Variants in RELN observed in about 807,000 individuals in gnomAD.
The protein encoded by RELN is reelin.
A neutral mutation model predicts 427.6 loss-of-function variants in RELN; 108 were observed. The ratio of observed to expected loss-of-function variants is 0.25; its 90% CI spans 0.22 to 0.30. RELN has a LOEUF of 0.30. Among genes scored for constraint, RELN ranks in the 10% least tolerant of loss-of-function variants. RELN has a pLI of 1.00. For missense variants in RELN, 3,715 were observed against 4,302.8 expected (o/e 0.86, Z 3.82); for synonymous variants, 1,524 against 1,513.4 (o/e 1.01, Z -0.16).
intron 8 of RELN, among the ~76,000 whole-genome samples, chr7:103,708,706 G>T (rs774568305): frequency 6.6e-6 from 1 of 151,846 alleles, no homozygotes; most frequent in Non-Finnish European, 1.5e-5. Context: ...CTCGTGATCC[G>T]CCCGTCTTGG....
chr7:103,986,080 T>A (rs1398885577), intron 1 of RELN, among the ~76,000 whole-genome samples: 3 of 151,858 alleles, frequency 2.0e-5, no homozygotes, highest in Non-Finnish European at 4.4e-5. Flanking sequence ...AAAAAAAAAA[T>A]GTTCTGACCC....
intron 38 of RELN, among the ~76,000 whole-genome samples, chr7:103,555,054 G>A (rs1751229967): frequency 6.6e-6 from 1 of 152,064 alleles, no homozygotes; most frequent in Admixed American, 6.6e-5. Flanking sequence ...TGTTGATCTG[G>A]AGATACTGTG....
intron 2 of RELN, among the ~76,000 whole-genome samples, chr7:103,880,708 AC>A (rs2116558860): frequency 6.6e-6 from 1 of 152,208 alleles, no homozygotes; most frequent in South Asian, 2.1e-4. Context: ...TTTTATTTAG[AC>A]AGAGTCTACC....
At chr7:103,926,515 G>A (rs545161977) in intron 1 of RELN, among the ~76,000 whole-genome samples, 42 of 151,756 alleles carry the variant, frequency 2.8e-4, no homozygotes, top group African/African-American at 9.2e-4. Flanking sequence ...GATAATACTC[G>A]TGCGTATGTC....
At chr7:103,969,461 C>T (rs1051739613) in intron 1 of RELN, among the ~76,000 whole-genome samples, 5 of 152,054 alleles carry the variant, frequency 3.3e-5, no homozygotes, top group Admixed American at 3.3e-4. Context: ...TTCGTAGATG[C>T]CAGAAATGGC....
Position 103,824,694 on chromosome 7 carries a change from A to C in RELN, c.473+8843T>G, listed in dbSNP as rs1189170559. 7.4e-6 allele frequency among the ~76,000 whole-genome samples: 1 copy of C among 134,528 alleles called. No individual in the cohort carries two copies. The highest frequency in any genetic ancestry group is 2.3e-4 in the East Asian group (1 of 4,412). The allele number at this position is 134,528 out of a possible 152,430, so 88.3% of individuals were successfully genotyped here. On this transcript the variant is annotated intron_variant, in intron 3 of 64. Transcript: ENST00000428762. The surrounding 1 kb of genome is among the most constrained non-coding windows in gnomAD (Gnocchi z 4.4). ...TGTGTGTTTGCTTCATTTTAGCTAG[A>C]GTTGCTATTTTATTTCAGTGGGAAG...
At chr7:103,960,076 T>C (rs543873209) in intron 1 of RELN, among the ~76,000 whole-genome samples, 1 of 152,328 alleles carries the variant, frequency 6.6e-6, no homozygotes, top group Non-Finnish European at 1.5e-5. Context: ...TCATTCTCAA[T>C]TCAGCAGCCA....
chr7:103,824,105 C>T lies in RELN; in HGVS notation c.473+9432G>A, dbSNP rs39344. Among the ~76,000 whole-genome samples the T allele has an allele frequency of 0.21, 31,205 of 151,886 alleles. 3,610 individuals carry two copies. Among genetic ancestry groups the T allele is most frequent in the Middle Eastern group, 0.31 (90 of 294 alleles). On this transcript the variant is annotated intron_variant, in intron 3 of 64. Coordinates refer to ENST00000428762, the MANE Select transcript of RELN (RefSeq NM_005045.4). This position sits in a 1 kb window ranked among gnomAD's most constrained non-coding sequence, Gnocchi z 4.4. Reference sequence around the variant, plus strand: ...TGATATACTGAAGGCTTATCACGACCTTTATCAGTACTAATTTATTTTATT... The same window carrying T: ...TGATATACTGAAGGCTTATCACGACTTTTATCAGTACTAATTTATTTTATT...
chr7:103,975,515 GTATTTATT>G (rs1554451147), intron 1 of RELN, among the ~76,000 whole-genome samples: 113 of 141,872 alleles, frequency 8.0e-4, no homozygotes, highest in East Asian at 2.7e-3. Flanking sequence ...GAATGGAGCA[GTATTTATT>G]TATTTATTTA....
chr7:103,926,241 C>CG (rs1459868939), intron 1 of RELN, among the ~76,000 whole-genome samples: 1 of 151,434 alleles, frequency 6.6e-6, no homozygotes, highest in Non-Finnish European at 1.5e-5. Flanking sequence ...GCTGGGACTA[C>CG]GGGTACGTGC....
At chr7:103,846,093 A>C (rs990176077) in intron 2 of RELN, among the ~76,000 whole-genome samples, 3 of 152,340 alleles carry the variant, frequency 2.0e-5, no homozygotes, top group Middle Eastern at 6.8e-3. Flanking sequence ...TAAATTTCAT[A>C]TGGAACAAAA....
intron 2 of RELN, among the ~76,000 whole-genome samples, chr7:103,879,577 A>C (rs776677682): frequency 2.0e-5 from 3 of 152,172 alleles, no homozygotes; most frequent in Non-Finnish European, 4.4e-5. Flanking sequence ...ACCAACAACT[A>C]GGCTTCCTGC....
At chr7:103,976,707 T>A (rs1022914189) in intron 1 of RELN, among the ~76,000 whole-genome samples, 6 of 152,032 alleles carry the variant, frequency 3.9e-5, no homozygotes, top group Non-Finnish European at 7.4e-5. Context: ...CCTAAGACAG[T>A]CAGGGAGTCA....
At chr7:103,491,823 GTCTCTC>G (rs60846683) in intron 58 of RELN, 124 bp downstream of exon 58, 5,988 of 424,952 alleles carry the variant, frequency 0.014, 32 homozygotes, top group Non-Finnish European at 0.016. Flanking sequence ...GAGCGAAACT[GTCTCTC>G]TCTCTCTCTC....
At chr7:103,763,858 C>T (rs1363892835) in intron 4 of RELN, among the ~76,000 whole-genome samples, 1 of 151,492 alleles carries the variant, frequency 6.6e-6, no homozygotes, top group Admixed American at 6.6e-5. Flanking sequence ...GGGTTTGAGG[C>T]CAGGAGCATT....
intron 3 of RELN, among the ~76,000 whole-genome samples, chr7:103,816,530 A>AACACAC (rs57873981): frequency 0.044 from 6,276 of 143,666 alleles, 152 homozygotes; most frequent in African/African-American, 0.069. Flanking sequence ...TTTCTCTAGA[A>AACACAC]ACACACACAC....
At chr7:103,982,335 T>C (rs888325223) in intron 1 of RELN, among the ~76,000 whole-genome samples, 5 of 152,210 alleles carry the variant, frequency 3.3e-5, no homozygotes, top group African/African-American at 9.6e-5. Flanking sequence ...TCCATGTAAT[T>C]CAGCGATATG....
At chr7:103,893,203 AC>A (rs1794887179) in intron 2 of RELN, among the ~76,000 whole-genome samples, 1 of 152,016 alleles carries the variant, frequency 6.6e-6, no homozygotes, top group African/African-American at 2.4e-5. Flanking sequence ...GGAGAGCCAG[AC>A]CCCCCAGAAA....
chr7:103,616,312 A>AGGTGAATG (rs1273095451), intron 20 of RELN, among the ~76,000 whole-genome samples: 2 of 152,138 alleles, frequency 1.3e-5, no homozygotes, highest in African/African-American at 4.8e-5. Flanking sequence ...GAAGAAGAAG[A>AGGTGAATG]GGTGAATGAA....
Sources: allele counts gnomAD v4.1 joint callset (sites outside exome capture counted in the v4.1 genomes callset), GRCh38; gene constraint gnomAD v4.1.1; non-coding constraint Gnocchi (gnomAD v3.1); transcripts MANE v1.5; gene names NCBI Gene and HGNC (gene_info 2026-07-23, HGNC 2026-07-21).